DLGAP2: variants seen among roughly 807,000 people sequenced by gnomAD.
DLGAP2 encodes the protein disks large-associated protein 2.
DLGAP2 carries 26 observed loss-of-function variants against 100.3 expected under a neutral mutation model. The observed-to-expected ratio is 0.26, with a 90% confidence interval of 0.19 to 0.36. The LOEUF is 0.36. DLGAP2 is among the 10% of genes least tolerant of loss of function. DLGAP2 has a pLI of 1.00. For missense variants in DLGAP2, 1,858 were observed against 1,453.2 expected (o/e 1.28, Z -4.53); for synonymous variants, 886 against 630.1 (o/e 1.41, Z -6.08).
intron 6 of DLGAP2, among the ~76,000 whole-genome samples, chr8:1,589,711 A>G (rs1796233745): frequency 6.6e-6 from 1 of 152,174 alleles, no homozygotes; most frequent in Non-Finnish European, 1.5e-5. Context: ...GGCTGTTTTT[A>G]AAGAAGATGT....
chr8:1,152,006 T>G (rs1563217942), intron 2 of DLGAP2, among the ~76,000 whole-genome samples: 1 of 152,252 alleles, frequency 6.6e-6, no homozygotes, highest in African/African-American at 2.4e-5. Flanking sequence ...TCAACCTCAC[T>G]AGCATTGAGC....
chr8:1,447,636 G>C (rs56120798), intron 3 of DLGAP2, among the ~76,000 whole-genome samples: 3,289 of 152,294 alleles, frequency 0.022, 58 homozygotes, highest in Middle Eastern at 0.068. Flanking sequence ...TTTTTCTATT[G>C]ATTGGAATAG....
intron 4 of DLGAP2, among the ~76,000 whole-genome samples, chr8:1,545,835 G>C (rs970399378): frequency 6.6e-6 from 1 of 152,158 alleles, no homozygotes; most frequent in African/African-American, 2.4e-5. Flanking sequence ...CTTTTATGAA[G>C]CCACATTCAT....
intron 3 of DLGAP2, among the ~76,000 whole-genome samples, chr8:1,322,921 T>A (rs1331597693): frequency 6.6e-6 from 1 of 152,206 alleles, no homozygotes; most frequent in Non-Finnish European, 1.5e-5. Context: ...TCTGCCTCAC[T>A]TTGTAGATTA....
intron 2 of DLGAP2, among the ~76,000 whole-genome samples, chr8:1,126,062 A>T (rs529303893): frequency 7.9e-5 from 12 of 152,332 alleles, no homozygotes; most frequent in African/African-American, 2.6e-4. Context: ...CTTCTCCCAC[A>T]TGTCTTCGAA....
At chr8:1,085,230 G>A (rs1803936209) in intron 2 of DLGAP2, among the ~76,000 whole-genome samples, 1 of 152,162 alleles carries the variant, frequency 6.6e-6, no homozygotes, top group South Asian at 2.1e-4. Flanking sequence ...TTTCTATAGA[G>A]TTGTTTGAGT....
At chr8:1,077,753 G>A (rs1803668218) in intron 2 of DLGAP2, among the ~76,000 whole-genome samples, 1 of 152,162 alleles carries the variant, frequency 6.6e-6, no homozygotes, top group Non-Finnish European at 1.5e-5. Context: ...CCCACGCAGT[G>A]GTTACTGAAA....
chr8:1,007,932 C>G (rs1213857237), intron 2 of DLGAP2, among the ~76,000 whole-genome samples: 1 of 152,082 alleles, frequency 6.6e-6, no homozygotes, highest in African/African-American at 2.4e-5. Context: ...CTCCATGGCG[C>G]CCGGTCCGTC....
intron 2 of DLGAP2, among the ~76,000 whole-genome samples, chr8:1,072,350 A>G (rs12679850): frequency 0.032 from 4,923 of 152,234 alleles, 215 homozygotes; most frequent in East Asian, 0.13. Flanking sequence ...CATCCATATA[A>G]TTCATAAATC....
intron 1 of DLGAP2, among the ~76,000 whole-genome samples, chr8:818,034 C>T (rs528003421): frequency 1.1e-4 from 17 of 152,048 alleles, no homozygotes; most frequent in South Asian, 2.1e-4. Flanking sequence ...TCAGGTTTCT[C>T]GGGCAGTGGG....
At chr8:1,448,009 C>G (rs1372329233) in intron 3 of DLGAP2, among the ~76,000 whole-genome samples, 1 of 152,106 alleles carries the variant, frequency 6.6e-6, no homozygotes, top group Non-Finnish European at 1.5e-5. Context: ...AGCAGTCTAT[C>G]TATTTTGTTG....
intron 2 of DLGAP2, among the ~76,000 whole-genome samples, chr8:941,565 C>G (rs1484333465): frequency 6.6e-6 from 1 of 152,154 alleles, no homozygotes; most frequent in Non-Finnish European, 1.5e-5. Context: ...TCCCCTTTCT[C>G]CACAGGCGCT....
intron 2 of DLGAP2, among the ~76,000 whole-genome samples, chr8:1,224,891 C>G (rs1329690929): frequency 6.6e-6 from 1 of 152,198 alleles, no homozygotes; most frequent in East Asian, 1.9e-4. Flanking sequence ...AACTGCTCCC[C>G]CACATCTGCT....
At chr8:960,909 GA>G (rs1477536808) in intron 2 of DLGAP2, among the ~76,000 whole-genome samples, 1 of 152,206 alleles carries the variant, frequency 6.6e-6, no homozygotes, top group Non-Finnish European at 1.5e-5. Flanking sequence ...ATTGTAAGTT[GA>G]ACCATCATAA....
intron 2 of DLGAP2, among the ~76,000 whole-genome samples, chr8:1,196,602 T>C (rs1218135956): frequency 6.6e-6 from 1 of 152,238 alleles, no homozygotes; most frequent in Admixed American, 6.5e-5. Flanking sequence ...ACAGCACTTG[T>C]GCAGAGGCAT....
intron 3 of DLGAP2, among the ~76,000 whole-genome samples, chr8:1,371,404 G>A (rs1049753333): frequency 5.3e-5 from 8 of 152,194 alleles, no homozygotes; most frequent in South Asian, 2.1e-4. Context: ...GAAGTCAGGC[G>A]TGGTTCCTGG....
rs535609113 is a variant in DLGAP2, at chr8:1,068,501, A to G, written c.73+160535A>G. On this transcript the variant is annotated intron_variant, in intron 2 of 14. Transcript: ENST00000637795. ...GTTTTGGCCTTGCTCAGTGGTGTGC[A>G]GGGAGGTCTGAGGCTTCCCCGGTGG... 5.3e-5 allele frequency among the ~76,000 whole-genome samples: 8 copies of G among 152,124 alleles called. 1 individual carries two copies. The South Asian group carries it at 1.7e-3, about 32-fold the overall frequency.
At chr8:1,243,205 C>G (rs1798835831) in intron 2 of DLGAP2, among the ~76,000 whole-genome samples, 1 of 152,184 alleles carries the variant, frequency 6.6e-6, no homozygotes, top group Admixed American at 6.5e-5. Flanking sequence ...GGAGTGAGGA[C>G]CCGCCTGGCC....
At chr8:1,553,089 C>T (rs1005070084) in intron 5 of DLGAP2, among the ~76,000 whole-genome samples, 7 of 152,156 alleles carry the variant, frequency 4.6e-5, no homozygotes, top group Non-Finnish European at 7.4e-5. Flanking sequence ...GCCGCCTCCC[C>T]GGGAAGGCTC....
Sources: allele counts gnomAD v4.1 joint callset (sites outside exome capture counted in the v4.1 genomes callset), GRCh38; gene constraint gnomAD v4.1.1; transcripts MANE v1.5; gene names NCBI Gene and HGNC (gene_info 2026-07-23, HGNC 2026-07-21).